The following ZFC3H1 variants were observed in gnomAD, a reference collection of about 807,000 sequenced individuals.
ZFC3H1 encodes the protein zinc finger C3H1-type containing.
In ZFC3H1, 71 loss-of-function variants were observed where a neutral mutation model predicts 243.7. That is an observed-to-expected ratio of 0.29 (90% CI 0.24 to 0.36). ZFC3H1 has a LOEUF of 0.36. Ranked by LOEUF, ZFC3H1 falls within the 10% of genes least tolerant of loss-of-function variation. The pLI is 1.00. For missense variants in ZFC3H1, 1,966 were observed against 2,317.1 expected (o/e 0.85, Z 3.11); for synonymous variants, 838 against 813.0 (o/e 1.03, Z -0.52).
chr12:71,662,935 C>G, intron 1 of ZFC3H1, 78 bp downstream of exon 1: 1 of 1,379,716 alleles, frequency 7.2e-7, no homozygotes, highest in Non-Finnish European at 9.8e-7. Context: ...CAAAGTTACA[C>G]TCGTCTCACA....
chr12:71,623,546 T>A lies in ZFC3H1; in HGVS notation c.4558A>T (p.Ser1520Cys). 6.2e-7 allele frequency: 1 copy of A among 1,613,728 alleles called. No homozygotes were observed. The highest frequency in any genetic ancestry group is 8.5e-7 in the Non-Finnish European group (1 of 1,179,820). ...GCCAACCATGCCAAACATCGATCAC[T>A]GGTTTTAAGGTATTCAGCTACTATT... ...DGIVAEYLKT[S>C]DRCLAWLAYI... The change falls in exon 24 of 35, where the codon AGT becomes TGT. Residue 1520 changes from serine to cysteine, a missense_variant. Physicochemically the swap from Ser to Cys is moderately radical, Grantham distance 112 (BLOSUM62 -1). Coordinates refer to ENST00000378743, the MANE Select transcript of ZFC3H1 (RefSeq NM_144982.5).
At position 71,614,664 on chromosome 12, in the gene ZFC3H1, G is replaced by A. The variant is rs1262773596; in HGVS notation, c.5397C>T (p.Ser1799=). ...ATTTGAATTCTTGAACTTTGTTTCTGGATCCAGCAGCTCTATTATTTGCAA... is the reference window on the plus strand; with the variant it reads ...ATTTGAATTCTTGAACTTTGTTTCTAGATCCAGCAGCTCTATTATTTGCAA... The part of the protein sequence containing the change: ...LVFANNRAAG[S]RNKVQEFKFF... The change falls in exon 30 of 35, where the codon TCC becomes TCT. Residue 1799 remains serine (S), a synonymous_variant. Coordinates refer to ENST00000378743, the MANE Select transcript of ZFC3H1 (RefSeq NM_144982.5). The A allele has an allele frequency of 6.2e-7, 1 of 1,610,498 alleles. No individual in the cohort carries two copies. Among genetic ancestry groups the A allele is most frequent in the Non-Finnish European group, 8.5e-7 (1 of 1,178,828 alleles).
chr12:71,634,704 T>C lies in ZFC3H1; in HGVS notation c.2360A>G (p.Asn787Ser). The C allele has an allele frequency of 6.3e-7, 1 of 1,584,122 alleles. No individual in the cohort carries two copies. Among genetic ancestry groups the C allele is most frequent in the South Asian group, 1.2e-5 (1 of 85,374 alleles). Reference protein sequence around the residue: ...EYRLLKEEIANREKQRLIKSD... With the variant: ...EYRLLKEEIASREKQRLIKSD... ...GTTAATTACATAAAATTACACTTACTTGGCAATCTCTTCCTTTAACAATCT... is the reference window on the plus strand; with the variant it reads ...GTTAATTACATAAAATTACACTTACCTGGCAATCTCTTCCTTTAACAATCT... Residue 787 changes from asparagine to serine, a missense_variant and splice_region_variant, in exon 11 of 35, where the codon AAC (asparagine) becomes AGC (serine). Physicochemically the swap from Asn to Ser is conservative, Grantham distance 46. This residue lies in a region of ZFC3H1 where 1,383 missense variants were observed against 1,723.7 expected (regional missense o/e 0.80). Transcript: ENST00000378743.
intron 31 of ZFC3H1, among the ~76,000 whole-genome samples, chr12:71,612,151 G>A (rs1218220535): frequency 3.3e-5 from 5 of 152,012 alleles, no homozygotes; most frequent in East Asian, 3.9e-4. Flanking sequence ...AAGCATTCCC[G>A]CCAAATAACA....
chr12:71,638,333 C>T, intron 7 of ZFC3H1, 85 bp downstream of exon 7: 17 of 1,347,438 alleles, frequency 1.3e-5, no homozygotes, highest in Non-Finnish European at 1.6e-5. Flanking sequence ...TTTTTAAGCC[C>T]TCTTCAAACC....
At position 71,629,048 on chromosome 12, in the gene ZFC3H1, T is replaced by C. The variant is rs771148578; in HGVS notation, c.3827-11A>G. On this transcript the variant is annotated splice_polypyrimidine_tract_variant and intron_variant, in intron 19 of 34. Coordinates refer to ENST00000378743, the MANE Select transcript of ZFC3H1 (RefSeq NM_144982.5). ...TTGTAAATGGAGGAGCTAAAGTAGATAGGAGAAGATTGTTAATTGATATAA... is the reference window on the plus strand; with the variant it reads ...TTGTAAATGGAGGAGCTAAAGTAGACAGGAGAAGATTGTTAATTGATATAA... The C allele has an allele frequency of 5.0e-6, 8 of 1,584,170 alleles. No individual in the cohort carries two copies. The South Asian group carries it at 8.2e-5, about 16-fold the overall frequency.
At chr12:71,640,274 G>C (rs931118622) in intron 6 of ZFC3H1, among the ~76,000 whole-genome samples, 2 of 152,122 alleles carry the variant, frequency 1.3e-5, no homozygotes, top group Non-Finnish European at 2.9e-5. Flanking sequence ...CTCCCGCCTC[G>C]GCCTCCCAAA....
rs1430246426 is a variant in ZFC3H1 at position 71,644,172 on chromosome 12, G to A, written c.1426C>T (p.Arg476Ter). 6.2e-7 allele frequency: 1 copy of A among 1,613,506 alleles called. No individual in the cohort carries two copies. Among genetic ancestry groups the A allele is most frequent in the Non-Finnish European group, 8.5e-7 (1 of 1,179,790 alleles). ...RKREEEIRKI[R>*]DLSNQEEQYN... ...TGTTCTTCCTGATTTGAGAGATCTC[G>A]AATTTTTCTGATTTCTTCCTCTCTT... Residue 476 changes from arginine to a stop codon, truncating the protein, a stop_gained, in exon 5 of 35, where the codon CGA (arginine) becomes TGA (stop). Transcript: ENST00000378743. LOFTEE classifies it high-confidence loss of function.
At chr12:71,643,005 AT>A (rs1880636811) in intron 5 of ZFC3H1, among the ~76,000 whole-genome samples, 1 of 152,232 alleles carries the variant, frequency 6.6e-6, no homozygotes, top group Non-Finnish European at 1.5e-5. Flanking sequence ...AAAGCTATAA[AT>A]TCTGGGTAAA....
At chr12:71,618,713 A>G (rs534302627) in intron 27 of ZFC3H1, among the ~76,000 whole-genome samples, 1 of 152,332 alleles carries the variant, frequency 6.6e-6, no homozygotes, top group Non-Finnish European at 1.5e-5. Context: ...CAAAGGAAAG[A>G]TAATTTTAAG....
intron 5 of ZFC3H1, among the ~76,000 whole-genome samples, chr12:71,642,867 TTA>T (rs1565821217): frequency 6.6e-6 from 1 of 152,340 alleles, no homozygotes; most frequent in African/African-American, 2.4e-5. Flanking sequence ...TCTTGTACAC[TTA>T]TGACTTCTGT....
At chr12:71,650,121 G>C (rs1033865726) in intron 2 of ZFC3H1, among the ~76,000 whole-genome samples, 4 of 152,078 alleles carry the variant, frequency 2.6e-5, no homozygotes, top group African/African-American at 4.8e-5. Context: ...CTGGGAGGTG[G>C]AGCCTGCCGT....
In ZFC3H1 at chr12:71,630,960, GT is replaced by G; in HGVS notation, c.3471-7del. On this transcript the variant is annotated splice_polypyrimidine_tract_variant and splice_region_variant and intron_variant, in intron 16 of 34. Coordinates refer to ENST00000378743, the MANE Select transcript of ZFC3H1 (RefSeq NM_144982.5). Reference sequence around the variant, plus strand: ...TTCGATAATATGGACTAAATCTAAGGTGAAGAGAGTGAACAGGTATATTATG... The same window carrying G: ...TTCGATAATATGGACTAAATCTAAGGGAAGAGAGTGAACAGGTATATTATG... 1 of 1,601,604 alleles carries G rather than the reference GT, an allele frequency of 6.2e-7. No homozygotes were observed. The highest frequency in any genetic ancestry group is 1.7e-4 in the Middle Eastern group (1 of 6,026).
rs562130493 is a variant in ZFC3H1, at chr12:71,644,997, G to A, written c.1159C>T (p.Gln387Ter). 6.2e-7 allele frequency: 1 copy of A among 1,613,626 alleles called. No individual in the cohort carries two copies. The highest frequency in any genetic ancestry group is 8.5e-7 in the Non-Finnish European group (1 of 1,179,968). Residue 387 changes from glutamine (Q) to a stop codon, truncating the protein, a stop_gained, in exon 4 of 35, where the codon CAA becomes TAA. Transcript: ENST00000378743. LOFTEE classifies it high-confidence loss of function. ...TTCATCACCTGCTGTTCTTTTTGTTGCCATTTTTTACTGGCTGACTGAAGA... is the reference window on the plus strand; with the variant it reads ...TTCATCACCTGCTGTTCTTTTTGTTACCATTTTTTACTGGCTGACTGAAGA... ...LALQSASKKW[Q>*]QKEQQVMKES... is the part of the protein sequence containing the mutation.
At chr12:71,640,289 C>T (rs781652003) in intron 6 of ZFC3H1, among the ~76,000 whole-genome samples, 1 of 152,188 alleles carries the variant, frequency 6.6e-6, no homozygotes, top group Non-Finnish European at 1.5e-5. Flanking sequence ...CCCAAAAGTT[C>T]TGGGATTACA....
In ZFC3H1 at chr12:71,629,592, C is replaced by CACACACACACACACACACACACA. The variant is rs3219749; in HGVS notation, c.3826+16_3826+17insTGTGTGTGTGTGTGTGTGTGTGT. The CACACACACACACACACACACACA allele has an allele frequency of 6.8e-7, 1 of 1,461,544 alleles. No homozygotes were observed. Among genetic ancestry groups the CACACACACACACACACACACACA allele is most frequent in the Admixed American group, 1.7e-5 (1 of 58,486 alleles). The allele number at this position is 1,461,544 out of a possible 1,614,324, so 90.5% of individuals were successfully genotyped here. A position where few individuals can be genotyped will look rare whatever the true frequency, so the allele number is the denominator to read the frequency against. On this transcript the variant is annotated intron_variant, in intron 19 of 34. Coordinates refer to ENST00000378743, the MANE Select transcript of ZFC3H1 (RefSeq NM_144982.5). ...ACACACACACACACACACACACACACTTATATATGTACTTACTATGACCTT... is the reference window on the plus strand; with the variant it reads ...ACACACACACACACACACACACACACACACACACACACACACACACACATTATATATGTACTTACTATGACCTT...
chr12:71,661,607 G>T (rs955274985), intron 1 of ZFC3H1, among the ~76,000 whole-genome samples: 1 of 149,578 alleles, frequency 6.7e-6, no homozygotes, highest in African/African-American at 2.5e-5. Flanking sequence ...TCAGCCTCCC[G>T]GGTAGCTGGA....
At chr12:71,632,636 G>T in intron 14 of ZFC3H1, 122 bp from the exon 15 acceptor site, 1 of 1,304,428 alleles carries the variant, frequency 7.7e-7, no homozygotes, top group Non-Finnish European at 1.0e-6. Context: ...TCAATATGGA[G>T]AATAAAACAG....
chr12:71,620,397 A>C, intron 24 of ZFC3H1, 82 bp from the exon 25 acceptor site: 1 of 1,403,866 alleles, frequency 7.1e-7, no homozygotes. Flanking sequence ...ACTCTGAGAG[A>C]CCAATGGGAA....
Sources: gnomAD v4.1 joint callset for allele counts (sites outside exome capture counted in the v4.1 genomes callset) on GRCh38, gnomAD v4.1.1 for gene constraint, gnomAD v4.1.1 regional missense constraint, MANE v1.5 for transcripts, NCBI Gene and HGNC (gene_info 2026-07-23, HGNC 2026-07-21) for gene names.